GALNT13: variants seen among roughly 807,000 people sequenced by gnomAD.
The protein encoded by GALNT13 is UDP-GalNAc:polypeptide N-acetylgalactosaminyltransferase 13.
A neutral mutation model predicts 64.2 loss-of-function variants in GALNT13; 28 were observed. The ratio of observed to expected loss-of-function variants is 0.44; its 90% CI spans 0.32 to 0.60. GALNT13 has a LOEUF of 0.60. Among genes scored for constraint, GALNT13 ranks in the 20% least tolerant of loss-of-function variants. The probability of loss-of-function intolerance (pLI) is 0.05; values close to 1 mark genes in which losing one functional copy is unlikely to be tolerated. For synonymous variants in GALNT13, 214 were observed against 224.6 expected (o/e 0.95, Z 0.42); for missense variants, 577 against 669.8 (o/e 0.86, Z 1.53).
At chr2:153,328,183 C>A in the GALNT13 span, among the ~76,000 whole-genome samples, 1 of 152,178 alleles carries the variant, frequency 6.6e-6, no homozygotes, top group Non-Finnish European at 1.5e-5. Context: ...AAGCTTCATC[C>A]CTGAGGGGCA....
intron 3 of GALNT13, among the ~76,000 whole-genome samples, chr2:154,088,124 G>A (rs1279221697): frequency 6.6e-6 from 1 of 152,030 alleles, no homozygotes; most frequent in Non-Finnish European, 1.5e-5. Context: ...ATAAAGAAGT[G>A]GCTACAGGCT....
chr2:154,285,260 A>G (rs1692197432), intron 8 of GALNT13, among the ~76,000 whole-genome samples: 1 of 152,048 alleles, frequency 6.6e-6, no homozygotes, highest in African/African-American at 2.4e-5. Flanking sequence ...TGTTGCCTAT[A>G]CTTTTGGAGT....
intron 10 of GALNT13, among the ~76,000 whole-genome samples, chr2:154,403,921 T>C (rs1476800106): frequency 1.3e-5 from 2 of 152,208 alleles, no homozygotes; most frequent in Non-Finnish European, 2.9e-5. Flanking sequence ...AGTTAACCTC[T>C]CTGTATCTTA....
intron 4 of GALNT13, among the ~76,000 whole-genome samples, chr2:154,150,965 C>T (rs1683973838): frequency 6.6e-6 from 1 of 152,116 alleles, no homozygotes; most frequent in African/African-American, 2.4e-5. Flanking sequence ...TACTTGCCTT[C>T]TGTTAGCTTT....
chr2:153,270,368 A>G, the GALNT13 span, among the ~76,000 whole-genome samples: 1 of 152,196 alleles, frequency 6.6e-6, no homozygotes, highest in African/African-American at 2.4e-5. Flanking sequence ...ATTTAATTTA[A>G]GGATCAATTA....
chr2:153,867,607 TTATTTC>T (rs1685789285), upstream of GALNT13, among the ~76,000 whole-genome samples: 1 of 152,056 alleles, frequency 6.6e-6, no homozygotes, highest in South Asian at 2.1e-4. Context: ...ATTGTGTACT[TTATTTC>T]TATTATTATT....
chr2:153,991,704 A>T (rs1695166862), intron 3 of GALNT13, among the ~76,000 whole-genome samples: 1 of 152,170 alleles, frequency 6.6e-6, no homozygotes, highest in African/African-American at 2.4e-5. Flanking sequence ...CAATAGTATG[A>T]AATGGTTAAA....
chr2:154,200,258 C>A (rs1186500421), intron 4 of GALNT13, among the ~76,000 whole-genome samples: 1 of 151,894 alleles, frequency 6.6e-6, no homozygotes, highest in Non-Finnish European at 1.5e-5. Flanking sequence ...TTTTTCTTAT[C>A]TCTTTCGAGA....
chr2:153,688,178 A>G, the GALNT13 span, among the ~76,000 whole-genome samples: 1 of 151,948 alleles, frequency 6.6e-6, no homozygotes, highest in Admixed American at 6.6e-5. Flanking sequence ...TCATTTACGT[A>G]TGGTCGATGG....
chr2:153,609,639 A>G, the GALNT13 span, among the ~76,000 whole-genome samples: 2 of 152,144 alleles, frequency 1.3e-5, no homozygotes, highest in Non-Finnish European at 2.9e-5. Context: ...CCAACTAGAG[A>G]GCAGTCTTAG....
At chr2:153,177,183 G>C in the GALNT13 span, among the ~76,000 whole-genome samples, 1 of 152,116 alleles carries the variant, frequency 6.6e-6, no homozygotes, top group South Asian at 2.1e-4. Context: ...AAAAGAGCAA[G>C]AAGTAGACAA....
chr2:153,643,749 TCA>T, the GALNT13 span, among the ~76,000 whole-genome samples: 5 of 151,970 alleles, frequency 3.3e-5, no homozygotes, highest in African/African-American at 7.2e-5. Context: ...AATAGATATA[TCA>T]CAATAAATTT....
the GALNT13 span, among the ~76,000 whole-genome samples, chr2:153,626,778 A>C: frequency 6.6e-6 from 1 of 152,120 alleles, no homozygotes; most frequent in Admixed American, 6.6e-5. Flanking sequence ...AACAAAAACA[A>C]GAATGTGAAA....
intron 12 of GALNT13, chr2:154,446,837 C>G (rs1701606237): frequency 1.4e-6 from 2 of 1,388,086 alleles, no homozygotes; most frequent in Non-Finnish European, 1.9e-6. Flanking sequence ...TCTGGAAACT[C>G]CTTTAAAATG....
the GALNT13 span, among the ~76,000 whole-genome samples, chr2:153,237,633 T>C: frequency 6.6e-5 from 10 of 152,152 alleles, no homozygotes; most frequent in African/African-American, 2.4e-4. Flanking sequence ...TCCACTTCCA[T>C]CCATGTTGTT....
chr2:153,536,198 T>A, the GALNT13 span, among the ~76,000 whole-genome samples: 2 of 152,196 alleles, frequency 1.3e-5, no homozygotes, highest in African/African-American at 4.8e-5. Context: ...ATGATCAAGC[T>A]CCAATGGTAA....
At chr2:153,743,153 G>A in the GALNT13 span, among the ~76,000 whole-genome samples, 2 of 151,894 alleles carry the variant, frequency 1.3e-5, no homozygotes, top group South Asian at 4.2e-4. Context: ...TATATTTTTA[G>A]TTTTTTGAGA....
At chr2:153,633,687 G>A in the GALNT13 span, among the ~76,000 whole-genome samples, 1 of 152,124 alleles carries the variant, frequency 6.6e-6, no homozygotes, top group African/African-American at 2.4e-5. Flanking sequence ...GGTGTCCAGT[G>A]AGTGATCTAT....
the GALNT13 span, among the ~76,000 whole-genome samples, chr2:153,474,657 T>C: frequency 6.6e-6 from 1 of 152,220 alleles, no homozygotes; most frequent in Non-Finnish European, 1.5e-5. Context: ...GAGGTATCAC[T>C]AGCTGTCTGC....
Sources: gnomAD v4.1 joint callset for allele counts (sites outside exome capture counted in the v4.1 genomes callset) on GRCh38, gnomAD v4.1.1 for gene constraint, MANE v1.5 for transcripts, NCBI Gene and HGNC (gene_info 2026-07-23, HGNC 2026-07-21) for gene names.